AHCYL2: variants seen among roughly 807,000 people sequenced by gnomAD.
AHCYL2 encodes adenosylhomocysteinase like 2.
A neutral mutation model predicts 81.4 loss-of-function variants in AHCYL2; 28 were observed. The observed-to-expected ratio is 0.34, with a 90% CI of 0.25 to 0.47. The LOEUF (loss-of-function observed/expected upper bound fraction) is 0.47. Ranked by LOEUF, AHCYL2 falls within the 20% of genes least tolerant of loss-of-function variation. The pLI is 1.00. For missense variants in AHCYL2, 551 were observed against 785.1 expected, an observed-to-expected ratio of 0.70 and a Z score of 3.56; for synonymous variants, 272 against 290.2, an observed-to-expected ratio of 0.94 and a Z score of 0.64.
At chr7:129,273,407 C>T (rs760927704) in intron 1 of AHCYL2, among the ~76,000 whole-genome samples, 25 of 148,974 alleles carry the variant, frequency 1.7e-4, no homozygotes, top group Non-Finnish European at 2.8e-4. Flanking sequence ...TGGCTCACCG[C>T]AACCTCTGCC....
At chr7:129,283,662 T>C (rs188719300) in intron 1 of AHCYL2, among the ~76,000 whole-genome samples, 2 of 152,320 alleles carry the variant, frequency 1.3e-5, no homozygotes. Context: ...TATTTGCTTG[T>C]GCTTTGCTTT....
chr7:129,245,442 A>C (rs1407388511), intron 1 of AHCYL2, among the ~76,000 whole-genome samples: 5 of 151,970 alleles, frequency 3.3e-5, no homozygotes, highest in Non-Finnish European at 2.9e-5. Context: ...CATCACTACT[A>C]CTCATCTTCT....
rs188522882 is a variant in AHCYL2, at chr7:129,329,739, G to A, written c.364-49899G>A. ...AAATGAATAGGATGACACCTACTTT[G>A]TGTGGTTTTTGTGAAGAGCAGATAA... On this transcript the variant is annotated intron_variant, in intron 1 of 16. Coordinates refer to ENST00000325006, the MANE Select transcript of AHCYL2 (RefSeq NM_015328.4). Among the ~76,000 whole-genome samples, 11 of 152,286 alleles carry A rather than the reference G, an allele frequency of 7.2e-5. No individual in the cohort carries two copies. The East Asian group carries it at 1.2e-3, about 16-fold the overall frequency.
intron 1 of AHCYL2, among the ~76,000 whole-genome samples, chr7:129,303,182 TA>T (rs1046072477): frequency 6.6e-6 from 1 of 152,170 alleles, no homozygotes; most frequent in African/African-American, 2.4e-5. Context: ...GTATTTTTAG[TA>T]GAGACTGGTT....
At chr7:129,244,737 T>G (rs1032852460) in intron 1 of AHCYL2, among the ~76,000 whole-genome samples, 13 of 152,188 alleles carry the variant, frequency 8.5e-5, no homozygotes, top group Non-Finnish European at 2.9e-5. Flanking sequence ...ACGAATCTTT[T>G]GGGGGAACAC....
intron 1 of AHCYL2, among the ~76,000 whole-genome samples, chr7:129,372,932 ATGGT>A (rs1375717572): frequency 2.0e-5 from 3 of 152,156 alleles, no homozygotes; most frequent in Non-Finnish European, 4.4e-5. Context: ...ATAGGATAGA[ATGGT>A]TGGTTAAGTA....
chr7:129,372,994 A>C (rs1793056655), intron 1 of AHCYL2, among the ~76,000 whole-genome samples: 1 of 152,198 alleles, frequency 6.6e-6, no homozygotes, highest in African/African-American at 2.4e-5. Flanking sequence ...AGAAAGTGTT[A>C]GAGCAGTGGT....
At chr7:129,306,557 G>A (rs1304449841) in intron 1 of AHCYL2, among the ~76,000 whole-genome samples, 2 of 149,900 alleles carry the variant, frequency 1.3e-5, no homozygotes, top group African/African-American at 5.1e-5. Context: ...TGTCTGAAAG[G>A]TCACATATCT....
intron 1 of AHCYL2, among the ~76,000 whole-genome samples, chr7:129,273,082 G>C (rs1242988517): frequency 2.0e-5 from 3 of 151,322 alleles, no homozygotes; most frequent in Non-Finnish European, 4.4e-5. Context: ...TTGTATTTTT[G>C]GTAGAGACAG....
At chr7:129,250,686 C>T (rs1352537482) in intron 1 of AHCYL2, among the ~76,000 whole-genome samples, 1 of 152,116 alleles carries the variant, frequency 6.6e-6, no homozygotes, top group East Asian at 1.9e-4. Flanking sequence ...CAGATTTCTC[C>T]TAATATATCC....
chr7:129,259,758 T>G (rs562016530), intron 1 of AHCYL2, among the ~76,000 whole-genome samples: 1 of 152,212 alleles, frequency 6.6e-6, no homozygotes, highest in African/African-American at 2.4e-5. Flanking sequence ...GAAATAAAAT[T>G]TAACTAGTAG....
chr7:129,279,582 G>A (rs1052752262), intron 1 of AHCYL2, among the ~76,000 whole-genome samples: 2 of 152,192 alleles, frequency 1.3e-5, no homozygotes, highest in Non-Finnish European at 2.9e-5. Context: ...AGTCCACAGA[G>A]TAAAATGAAT....
chr7:129,426,947 G>C lies in AHCYL2; in HGVS notation c.1830-92G>C. Reference sequence around the variant, plus strand: ...CACTGTACACTCCAGAAAAGTCTCTGCCTCCCTGTTACACCTTTAGGCAGG... The same window carrying C: ...CACTGTACACTCCAGAAAAGTCTCTCCCTCCCTGTTACACCTTTAGGCAGG... On this transcript the variant is annotated intron_variant, in intron 16 of 16. Coordinates refer to ENST00000325006, the MANE Select transcript of AHCYL2 (RefSeq NM_015328.4). The surrounding 1 kb of genome is among the most constrained non-coding windows in gnomAD (Gnocchi z 4.3). The C allele has an allele frequency of 7.5e-7, 1 of 1,340,462 alleles. No homozygotes were observed. Among genetic ancestry groups the C allele is most frequent in the Non-Finnish European group, 1.1e-6 (1 of 946,288 alleles). 83.0% of individuals were successfully genotyped at this position (1,340,462 alleles called of 1,614,324 possible). A position where few individuals can be genotyped will look rare whatever the true frequency, so the allele number is the denominator to read the frequency against.
chr7:129,376,728 G>GTGTGGTTGTGT (rs1794706716), intron 1 of AHCYL2, among the ~76,000 whole-genome samples: 1 of 152,222 alleles, frequency 6.6e-6, no homozygotes, highest in Non-Finnish European at 1.5e-5. Context: ...GTACGCAGGT[G>GTGTGGTTGTGT]TGTGGTTGTG....
At chr7:129,326,513 G>A (rs1386598896) in intron 1 of AHCYL2, among the ~76,000 whole-genome samples, 1 of 152,002 alleles carries the variant, frequency 6.6e-6, no homozygotes, top group East Asian at 1.9e-4. Context: ...GTGAAAGAGT[G>A]AGACGCCAAC....
At chr7:129,259,041 C>T (rs939166858) in intron 1 of AHCYL2, among the ~76,000 whole-genome samples, 3 of 152,178 alleles carry the variant, frequency 2.0e-5, no homozygotes, top group Non-Finnish European at 2.9e-5. Flanking sequence ...GAAACTAACA[C>T]CAAACTAATA....
At position 129,413,650 on chromosome 7, in the gene AHCYL2, G is replaced by A. The variant is rs372932947; in HGVS notation, c.1423G>A (p.Val475Ile). ...GGACCGTATGAAGAATAGCTGCATC[G>A]TTTGTAACATGGGACATTCCAACAC... ...HLDRMKNSCI[V>I]CNMGHSNTEI... The change falls in exon 12 of 17, where the codon GTT becomes ATT. Residue 475 changes from valine (V) to isoleucine (I), a missense_variant. Physicochemically the swap from Val to Ile is conservative, Grantham distance 29. Coordinates refer to ENST00000325006, the MANE Select transcript of AHCYL2 (RefSeq NM_015328.4). 9.5e-5 allele frequency: 153 copies of A among 1,614,026 alleles called. No homozygotes were observed. The highest frequency in any genetic ancestry group is 1.2e-4 in the Non-Finnish European group (146 of 1,180,046).
intron 1 of AHCYL2, 32 bp downstream of exon 1, chr7:129,225,471 G>T: frequency 1.4e-6 from 2 of 1,476,594 alleles, no homozygotes; most frequent in Admixed American, 2.4e-5. Flanking sequence ...TCTAGGAGAG[G>T]AAGGGAGGGG....
chr7:129,416,919 G>A (rs4731574), intron 12 of AHCYL2, among the ~76,000 whole-genome samples: 152,224 of 152,226 alleles, frequency 1, 76,111 homozygotes, highest in Non-Finnish European at 1. Context: ...GGAGTTCGAG[G>A]CCAGCCTAGG....
Sources: gnomAD v4.1 joint callset for allele counts (sites outside exome capture counted in the v4.1 genomes callset) on GRCh38, gnomAD v4.1.1 for gene constraint, Gnocchi (gnomAD v3.1) non-coding constraint, MANE v1.5 for transcripts, NCBI Gene and HGNC (gene_info 2026-07-23, HGNC 2026-07-21) for gene names.